SRPK2: variants seen among roughly 807,000 people sequenced by gnomAD.
SRPK2 encodes the protein SFRS protein kinase 2.
In SRPK2, 21 loss-of-function variants were observed where a neutral mutation model predicts 90.8. That is an observed-to-expected ratio of 0.23 (90% CI 0.16 to 0.33). The LOEUF (loss-of-function observed/expected upper bound fraction) is 0.33. Ranked by LOEUF, SRPK2 falls within the 10% of genes least tolerant of loss-of-function variation. The probability of loss-of-function intolerance (pLI) is 1.00; values close to 1 mark genes in which losing one functional copy is unlikely to be tolerated. For missense variants in SRPK2, 620 were observed against 869.0 expected (o/e 0.71, Z 3.60); for synonymous variants, 288 against 311.1 (o/e 0.93, Z 0.78).
chr7:105,325,486 C>CAA (rs33959633), intron 2 of SRPK2, among the ~76,000 whole-genome samples: 38,296 of 85,898 alleles, frequency 0.45, 9,351 homozygotes, highest in East Asian at 0.57. Flanking sequence ...ACCAAGTCTT[C>CAA]AAAAAAAAAA....
chr7:105,247,079 G>A (rs997718525), intron 2 of SRPK2, among the ~76,000 whole-genome samples: 10 of 152,022 alleles, frequency 6.6e-5, no homozygotes, highest in Admixed American at 2.6e-4. Flanking sequence ...TGGTACTTGC[G>A]GTACCATGTG....
chr7:105,282,844 A>G lies in SRPK2; in HGVS notation c.72-79059T>C, dbSNP rs192416813. Among the ~76,000 whole-genome samples, 811 of 152,034 alleles carry G rather than the reference A, an allele frequency of 5.3e-3. 15 individuals carry two copies. The highest frequency in any genetic ancestry group is 6.8e-3 in the Middle Eastern group (2 of 294). ...AAATAAAATGCATTATCAAGAAAGTAAAAAGAAAACCCACAAGATGGGAGA... is the reference window on the plus strand; with the variant it reads ...AAATAAAATGCATTATCAAGAAAGTGAAAAGAAAACCCACAAGATGGGAGA... On this transcript the variant is annotated intron_variant, in intron 2 of 15. Coordinates refer to ENST00000393651, the MANE Select transcript of SRPK2 (RefSeq NM_182692.3).
chr7:105,341,781 A>G (rs767851023), intron 2 of SRPK2, among the ~76,000 whole-genome samples: 56 of 152,128 alleles, frequency 3.7e-4, no homozygotes, highest in Non-Finnish European at 6.3e-4. Context: ...AGCCTGGCCA[A>G]CATGGTAAAA....
At chr7:105,299,774 A>T (rs1810299985) in intron 2 of SRPK2, among the ~76,000 whole-genome samples, 1 of 152,064 alleles carries the variant, frequency 6.6e-6, no homozygotes, top group Admixed American at 6.6e-5. Flanking sequence ...GGTGCCTGTA[A>T]TCTCAGCTAC....
chr7:105,346,330 G>C (rs1200528280), intron 2 of SRPK2, among the ~76,000 whole-genome samples: 1 of 152,028 alleles, frequency 6.6e-6, no homozygotes, highest in East Asian at 1.9e-4. Context: ...GCACTTAACT[G>C]ATTATCACAT....
At chr7:105,316,499 C>T (rs1171813736) in intron 2 of SRPK2, among the ~76,000 whole-genome samples, 1 of 152,080 alleles carries the variant, frequency 6.6e-6, no homozygotes, top group Non-Finnish European at 1.5e-5. Context: ...ACCAGGGAGC[C>T]CACCAGATAA....
chr7:105,357,075 G>T (rs528499316), intron 2 of SRPK2, among the ~76,000 whole-genome samples: 1 of 147,928 alleles, frequency 6.8e-6, no homozygotes, highest in African/African-American at 2.5e-5. Flanking sequence ...TCGCTCTGTC[G>T]CCCAGGCTGG....
chr7:105,135,272 A>C (rs1367713213), intron 11 of SRPK2, among the ~76,000 whole-genome samples: 1 of 152,198 alleles, frequency 6.6e-6, no homozygotes, highest in African/African-American at 2.4e-5. Context: ...GAAAAGAAGA[A>C]TCGGAAGGGA....
intron 2 of SRPK2, among the ~76,000 whole-genome samples, chr7:105,230,798 G>T (rs1443479023): frequency 6.6e-6 from 1 of 151,854 alleles, no homozygotes; most frequent in East Asian, 1.9e-4. Flanking sequence ...TCTATCTTAG[G>T]AATTTATTTC....
intron 3 of SRPK2, among the ~76,000 whole-genome samples, chr7:105,198,050 G>A (rs1343275961): frequency 2.0e-5 from 3 of 152,174 alleles, no homozygotes; most frequent in South Asian, 2.1e-4. Flanking sequence ...CAATGATTCC[G>A]CTTATATTGC....
intron 2 of SRPK2, among the ~76,000 whole-genome samples, chr7:105,309,766 G>C (rs1811508052): frequency 6.6e-6 from 1 of 152,096 alleles, no homozygotes; most frequent in East Asian, 1.9e-4. Flanking sequence ...AAGTGATCCA[G>C]CCCACATCCA....
At chr7:105,168,745 A>ATGTATGTGTGTGTGTGTGTGTGTG (rs1790413401) in intron 4 of SRPK2, among the ~76,000 whole-genome samples, 4 of 104,082 alleles carry the variant, frequency 3.8e-5, no homozygotes, top group South Asian at 4.1e-4. Flanking sequence ...CACGCACCAA[A>ATGTATGTGTGTGTGTGTGTGTGTG]TGTGTGTGTG....
At position 105,369,430 on chromosome 7, in the gene SRPK2, G is replaced by A. The variant is rs578209702; in HGVS notation, c.71+19218C>T. On this transcript the variant is annotated intron_variant, in intron 2 of 15. Transcript: ENST00000393651. ...CTCAAAGTGTTGAGAATACAGGCAT[G>A]AGCCACTGTGCCCGGCCTACACAAG... Among the ~76,000 whole-genome samples the A allele has an allele frequency of 5.9e-5, 9 of 152,106 alleles. No individual in the cohort carries two copies. In the East Asian group the frequency reaches 1.7e-3, roughly 29 times the overall value.
intron 2 of SRPK2, among the ~76,000 whole-genome samples, chr7:105,246,127 A>G (rs190239433): frequency 4.3e-4 from 65 of 152,340 alleles, no homozygotes; most frequent in Admixed American, 6.5e-5. Flanking sequence ...CTATTCTTAC[A>G]TAGACCTTAC....
intron 2 of SRPK2, among the ~76,000 whole-genome samples, chr7:105,353,306 T>C (rs549597366): frequency 2.0e-5 from 3 of 152,226 alleles, no homozygotes; most frequent in East Asian, 1.9e-4. Context: ...ATGAGAATAA[T>C]AGTGCTGTTA....
intron 2 of SRPK2, among the ~76,000 whole-genome samples, chr7:105,368,306 T>G (rs746608959): frequency 6.6e-6 from 1 of 152,192 alleles, no homozygotes; most frequent in Non-Finnish European, 1.5e-5. Context: ...CTCTCATAGA[T>G]GCACATGATA....
At chr7:105,126,804 C>T (rs1019842787) in intron 14 of SRPK2, among the ~76,000 whole-genome samples, 189 bp downstream of exon 14, 4 of 152,166 alleles carry the variant, frequency 2.6e-5, no homozygotes, top group Non-Finnish European at 5.9e-5. Context: ...TGGAGTGCTG[C>T]CTGTGCTAGG....
intron 2 of SRPK2, among the ~76,000 whole-genome samples, chr7:105,284,020 A>G (rs897508457): frequency 6.6e-5 from 10 of 152,114 alleles, no homozygotes; most frequent in Admixed American, 3.9e-4. Context: ...CAAACAAAAA[A>G]TGATTACAAT....
At chr7:105,235,480 G>A (rs1218421036) in intron 2 of SRPK2, among the ~76,000 whole-genome samples, 1 of 149,460 alleles carries the variant, frequency 6.7e-6, no homozygotes, top group Non-Finnish European at 1.5e-5. Context: ...GTGTGTGTGT[G>A]TGCATGTGCA....
Sources: gnomAD v4.1 joint callset for allele counts (sites outside exome capture counted in the v4.1 genomes callset) on GRCh38, gnomAD v4.1.1 for gene constraint, MANE v1.5 for transcripts, NCBI Gene and HGNC (gene_info 2026-07-23, HGNC 2026-07-21) for gene names.